Variants in CLEC6A observed in about 807,000 individuals in gnomAD.
CLEC6A encodes the protein C-type lectin domain family 6 member A.
A neutral mutation model predicts 25.7 loss-of-function variants in CLEC6A; 22 were observed. That is an observed-to-expected ratio of 0.85 (90% confidence interval 0.61 to 1.22). The LOEUF is 1.22. Among genes scored for constraint, CLEC6A ranks in the 50% most tolerant of loss-of-function variants. The pLI is 0.00. For synonymous variants in CLEC6A, 92 were observed against 76.7 expected, an observed-to-expected ratio of 1.20 and a Z score of -1.04; for missense variants, 240 against 236.8, an observed-to-expected ratio of 1.01 and a Z score of -0.09.
At chr12:8,477,295 G>A (rs766677073) in intron 5 of CLEC6A, 25 bp from the exon 6 acceptor site, 3 of 1,593,580 alleles carry the variant, frequency 1.9e-6, no homozygotes, top group Non-Finnish European at 2.6e-6. Flanking sequence ...TTGAAGATGT[G>A]TACTACCTTT....
intron 1 of CLEC6A, among the ~76,000 whole-genome samples, chr12:8,457,302 C>T (rs1306662811): frequency 1.3e-5 from 2 of 152,188 alleles, no homozygotes; most frequent in African/African-American, 2.4e-5. Flanking sequence ...TTAACTCCCA[C>T]ATATGAGTCA....
intron 3 of CLEC6A, chr12:8,460,519 T>G: frequency 1.6e-6 from 1 of 640,232 alleles, no homozygotes; most frequent in Non-Finnish European, 2.7e-6. Context: ...CAATTCAAGG[T>G]GAGATTTGGG....
At chr12:8,476,325 TATG>T in intron 5 of CLEC6A, 85 bp downstream of exon 5, 1 of 772,734 alleles carries the variant, frequency 1.3e-6, no homozygotes. Context: ...TATTGGTAAT[TATG>T]ATAACAGGAT....
intron 1 of CLEC6A, 45 bp downstream of exon 1, chr12:8,456,187 A>ATCTC: frequency 6.3e-7 from 1 of 1,585,796 alleles, no homozygotes; most frequent in Non-Finnish European, 8.7e-7. Context: ...GTGTATGGTG[A>ATCTC]AATGAGATCA....
intron 4 of CLEC6A, among the ~76,000 whole-genome samples, chr12:8,466,368 A>G (rs1437264456): frequency 6.6e-6 from 1 of 152,158 alleles, no homozygotes; most frequent in Non-Finnish European, 1.5e-5. Context: ...ATAATCTTTT[A>G]GAGTTTTTGC....
chr12:8,463,028 C>T (rs1939783318), intron 3 of CLEC6A, among the ~76,000 whole-genome samples: 1 of 152,130 alleles, frequency 6.6e-6, no homozygotes, highest in Non-Finnish European at 1.5e-5. Context: ...GGTGTAAATA[C>T]TATTACAAAG....
At chr12:8,466,331 A>G (rs1170836906) in intron 4 of CLEC6A, among the ~76,000 whole-genome samples, 2 of 152,222 alleles carry the variant, frequency 1.3e-5, no homozygotes, top group Non-Finnish European at 2.9e-5. Flanking sequence ...TATTGTGAAT[A>G]ATTGTGCAAT....
chr12:8,461,073 C>G, intron 3 of CLEC6A: 2 of 1,595,930 alleles, frequency 1.3e-6, no homozygotes, highest in Admixed American at 3.3e-5. Flanking sequence ...AGTGGATCAC[C>G]AAACCAGTCC....
At position 8,457,907 on chromosome 12, in the gene CLEC6A, G is replaced by T. The variant is rs1329981503; in HGVS notation, c.41G>T (p.Gly14Val). The change falls in exon 2 of 6, where the codon GGC becomes GTC. Residue 14 changes from glycine to valine, a missense_variant. Transcript: ENST00000382073. ...CTTCCTGATTGGACAGAGAAAAGAG[G>T]CTGGTTGTCCCTGAGACTCTGGTCT... ...EQQPQSTEKR[G>V]WLSLRLWSVA... is the part of the protein sequence containing the mutation. The T allele has an allele frequency of 4.3e-6, 7 of 1,613,476 alleles. No homozygotes were observed. The Admixed American group carries it at 1.2e-4, about 27-fold the overall frequency.
chr12:8,477,617 G>A lies in CLEC6A; in HGVS notation c.*153G>A, dbSNP rs1296745323. 1.4e-5 allele frequency: 7 copies of A among 512,892 alleles called. No homozygotes were observed. The highest frequency in any genetic ancestry group is 2.0e-5 in the African/African-American group (1 of 50,008). 31.8% of individuals were successfully genotyped at this position (512,892 alleles called of 1,614,324 possible). A position where few individuals can be genotyped will look rare whatever the true frequency, so the allele number is the denominator to read the frequency against. Reference sequence around the variant, plus strand: ...GGTTCACAGAAATGGAAAGATACCTGTTTCCCTTTAATCAATCTTCTCGTT... The same window carrying A: ...GGTTCACAGAAATGGAAAGATACCTATTTCCCTTTAATCAATCTTCTCGTT... On this transcript the variant is annotated 3_prime_UTR_variant, in exon 6 of 6. Transcript: ENST00000382073.
At chr12:8,473,437 A>G (rs1368810680) in intron 4 of CLEC6A, among the ~76,000 whole-genome samples, 3 of 152,184 alleles carry the variant, frequency 2.0e-5, no homozygotes, top group Admixed American at 6.5e-5. Flanking sequence ...ATAGTATTCC[A>G]TGGTGTATAT....
chr12:8,475,316 A>T (rs1198262741), intron 4 of CLEC6A, among the ~76,000 whole-genome samples: 1 of 140,496 alleles, frequency 7.1e-6, no homozygotes, highest in Non-Finnish European at 1.5e-5. Flanking sequence ...GTGCTCCAGA[A>T]AAACTCTCTC....
intron 2 of CLEC6A, 147 bp from the exon 3 acceptor site, chr12:8,459,450 C>T (rs184855045): frequency 6.7e-5 from 37 of 551,502 alleles, no homozygotes; most frequent in African/African-American, 6.7e-4. Flanking sequence ...TGAATACAAG[C>T]AAATAATAAT....
intron 4 of CLEC6A, among the ~76,000 whole-genome samples, chr12:8,475,340 ATG>A (rs1462342675): frequency 3.3e-4 from 16 of 49,142 alleles, no homozygotes; most frequent in South Asian, 1.4e-3. Context: ...ATATATATAT[ATG>A]TATGTGTGTG....
intron 3 of CLEC6A, chr12:8,460,486 A>G: frequency 1.7e-6 from 1 of 603,166 alleles, no homozygotes; most frequent in Non-Finnish European, 2.9e-6. Flanking sequence ...TCCCTCTCAC[A>G]GCACGTGGGA....
At chr12:8,459,100 G>A (rs906621227) in intron 2 of CLEC6A, among the ~76,000 whole-genome samples, 4 of 152,146 alleles carry the variant, frequency 2.6e-5, no homozygotes, top group African/African-American at 9.7e-5. Context: ...TAAGGCTAAG[G>A]AGAAGCAGAC....
intron 4 of CLEC6A, 85 bp downstream of exon 4, chr12:8,465,714 G>T: frequency 8.8e-7 from 1 of 1,137,768 alleles, no homozygotes; most frequent in South Asian, 1.7e-5. Context: ...TCAGTGTACT[G>T]TTCAGTAGCA....
At chr12:8,462,479 A>C (rs1344379744) in intron 3 of CLEC6A, among the ~76,000 whole-genome samples, 130 of 143,074 alleles carry the variant, frequency 9.1e-4, no homozygotes, top group Non-Finnish European at 1.7e-3. Flanking sequence ...ACCCGATTGT[A>C]TGTTCCATCT....
In CLEC6A at chr12:8,477,346, A is replaced by G; in HGVS notation, c.512A>G (p.His171Arg). Residue 171 changes from histidine to arginine, a missense_variant, in exon 6 of 6, where the codon CAT becomes CGT. His to Arg is a conservative substitution (Grantham distance 29, BLOSUM62 0). Transcript: ENST00000382073. Reference sequence around the variant, plus strand: ...TTTTGGCACCTAGGTGAGCCCAATCATTCTGCAGAGCAATGTGCTTCAATA... The same window carrying G: ...TTTTGGCACCTAGGTGAGCCCAATCGTTCTGCAGAGCAATGTGCTTCAATA... Reference protein sequence around the residue: ...VRFWHLGEPNHSAEQCASIVF... With the variant: ...VRFWHLGEPNRSAEQCASIVF... The G allele has an allele frequency of 6.2e-7, 1 of 1,611,458 alleles. No individual in the cohort carries two copies. Among genetic ancestry groups the G allele is most frequent in the Non-Finnish European group, 8.5e-7 (1 of 1,178,518 alleles).
Sources: allele counts gnomAD v4.1 joint callset (sites outside exome capture counted in the v4.1 genomes callset), GRCh38; gene constraint gnomAD v4.1.1; transcripts MANE v1.5; gene names NCBI Gene and HGNC (gene_info 2026-07-23, HGNC 2026-07-21).